Variants in DRG2 observed in about 807,000 individuals in gnomAD.
DRG2 encodes the protein developmentally regulated GTP binding protein 2, also known as developmentally-regulated GTP-binding protein 2.
Under a neutral mutation model 53.4 loss-of-function variants are expected in DRG2, and 36 were observed. The ratio of observed to expected loss-of-function variants is 0.67; its 90% CI spans 0.52 to 0.89. DRG2 has a LOEUF of 0.89. Ranked by LOEUF, DRG2 falls within the 40% of genes least tolerant of loss-of-function variation. The pLI is 0.00. For missense variants in DRG2, 342 were observed against 481.2 expected (o/e 0.71, Z 2.71); for synonymous variants, 167 against 192.1 (o/e 0.87, Z 1.08).
chr17:18,102,321 C>T (rs2045551823), intron 9 of DRG2, among the ~76,000 whole-genome samples: 1 of 152,162 alleles, frequency 6.6e-6, no homozygotes. Flanking sequence ...GGTTGAATGG[C>T]TAAGAGGCTT....
In DRG2 at chr17:18,100,718, G is replaced by T; in HGVS notation, c.631+59G>T. 1 of 1,526,868 alleles carries T rather than the reference G, an allele frequency of 6.5e-7. No individual in the cohort carries two copies. The highest frequency in any genetic ancestry group is 8.9e-7 in the Non-Finnish European group (1 of 1,123,386). The allele number at this position is 1,526,868 out of a possible 1,614,324, so 94.6% of individuals were successfully genotyped here. The stretch of plus-strand genomic sequence containing the variant: ...AGCCACCACCGTCAGCGCAGCGGGG[G>T]GACTGACTAAGACAGGAGGCCTCAT... On this transcript the variant is annotated intron_variant, in intron 7 of 12. Transcript: ENST00000225729. This position sits in a 1 kb window ranked among gnomAD's most constrained non-coding sequence, Gnocchi z 4.1.
intron 12 of DRG2, among the ~76,000 whole-genome samples, chr17:18,106,908 T>C (rs752827395): frequency 6.6e-5 from 10 of 152,204 alleles, no homozygotes; most frequent in Non-Finnish European, 1.0e-4. Context: ...CTCAAACACC[T>C]GAGCTCAAGT....
intron 8 of DRG2, 150 bp from the exon 9 acceptor site, chr17:18,101,771 C>T: frequency 8.8e-7 from 1 of 1,134,318 alleles, no homozygotes; most frequent in Non-Finnish European, 1.2e-6. Context: ...GGTTCCAGCC[C>T]AGCCTTCCCA....
At chr17:18,088,540 G>A (rs2045257142) in intron 1 of DRG2, among the ~76,000 whole-genome samples, 1 of 152,198 alleles carries the variant, frequency 6.6e-6, no homozygotes, top group South Asian at 2.1e-4. Flanking sequence ...GGAAGGCCTG[G>A]GTTTGAGCCC....
At position 18,099,483 on chromosome 17, in the gene DRG2, A is replaced by G; in HGVS notation, c.377-150A>G. The G allele has an allele frequency of 1.3e-6, 1 of 790,758 alleles. No individual in the cohort carries two copies. Among genetic ancestry groups the G allele is most frequent in the Non-Finnish European group, 2.1e-6 (1 of 468,082 alleles). The allele number at this position is 790,758 out of a possible 1,614,324, so 49.0% of individuals were successfully genotyped here. ...TTCTGAAATAAGTCTCCGTCAGTAA[A>G]ACATGTGGATTAAAGAAAAATGCCA... On this transcript the variant is annotated intron_variant, in intron 4 of 12. Transcript: ENST00000225729. The surrounding 1 kb of genome is among the most constrained non-coding windows in gnomAD (Gnocchi z 4.4).
Position 18,099,753 on chromosome 17 carries a change from A to C in DRG2, c.467+30A>C. On this transcript the variant is annotated intron_variant, in intron 5 of 12. Transcript: ENST00000225729. This position sits in a 1 kb window ranked among gnomAD's most constrained non-coding sequence, Gnocchi z 4.4. ...GCAGGGTGGGGCATGGGGCAGGCTC[A>C]CATGTCTGGGGAGGGCCAATGTGTC... 1.9e-6 allele frequency: 3 copies of C among 1,576,586 alleles called. No homozygotes were observed. Among genetic ancestry groups the C allele is most frequent in the South Asian group, 1.2e-5 (1 of 85,976 alleles).
At chr17:18,088,239 G>A (rs2045250882) in intron 1 of DRG2, 152 bp downstream of exon 1, 2 of 949,012 alleles carry the variant, frequency 2.1e-6, no homozygotes, top group Non-Finnish European at 1.5e-6. Context: ...GCGCGCCCAA[G>A]GCAGGGCCAG....
chr17:18,106,570 C>G, intron 12 of DRG2, 84 bp downstream of exon 12: 1 of 1,478,230 alleles, frequency 6.8e-7, no homozygotes, highest in Non-Finnish European at 9.4e-7. Flanking sequence ...TTCACACTCT[C>G]TGCGTGGTGT....
chr17:18,101,576 A>G lies in DRG2; in HGVS notation c.715A>G (p.Met239Val), dbSNP rs768188297. The G allele has an allele frequency of 1.2e-6, 2 of 1,614,028 alleles. No homozygotes were observed. Among genetic ancestry groups the G allele is most frequent in the South Asian group, 2.2e-5 (2 of 91,080 alleles). Residue 239 changes from methionine (M) to valine (V), a missense_variant, in exon 8 of 13, where the codon ATG (methionine) becomes GTG (valine). Physicochemically the swap from Met to Val is conservative, Grantham distance 21. Coordinates refer to ENST00000225729, the MANE Select transcript of DRG2 (RefSeq NM_001388.5). ...TGTGATCGTGGGCAACCGGGTGTAC[A>G]TGCCCTGCCTGTATGTAAGTGCAGG... ...IDVIVGNRVY[M>V]PCLYVYNKID...
rs981678134 is a variant in DRG2, at chr17:18,107,304, A to G, written c.*64A>G. On this transcript the variant is annotated 3_prime_UTR_variant, in exon 13 of 13. Transcript: ENST00000225729. ...CCTGGGGAGGTGGTCCCACTGGGACACACAAACACCCAAACAGAAAAATAC... is the reference window on the plus strand; with the variant it reads ...CCTGGGGAGGTGGTCCCACTGGGACGCACAAACACCCAAACAGAAAAATAC... 6.0e-6 allele frequency: 9 copies of G among 1,500,292 alleles called. No individual in the cohort carries two copies. Among genetic ancestry groups the G allele is most frequent in the South Asian group, 2.3e-5 (2 of 88,078 alleles). 92.9% of individuals were successfully genotyped at this position (1,500,292 alleles called of 1,614,324 possible).
intron 11 of DRG2, chr17:18,106,164 C>T (rs576294536): frequency 9.8e-6 from 5 of 510,234 alleles, no homozygotes; most frequent in Non-Finnish European, 1.8e-5. Context: ...GGCCCCTGAC[C>T]TTCCCCTGGT....
At position 18,106,450 on chromosome 17, in the gene DRG2, G is replaced by A. The variant is rs758765465; in HGVS notation, c.972G>A (p.Arg324=). 6.2e-7 allele frequency: 1 copy of A among 1,614,050 alleles called. No individual in the cohort carries two copies. The highest frequency in any genetic ancestry group is 1.3e-5 in the African/African-American group (1 of 75,038). ...TCCTCCAGTGCCACCGCATCCACCG[G>A]TCACTCGCCAGCCAGTTCAAGTACG... ...SVEHVCHRIH[R]SLASQFKYAL... is the part of the protein sequence containing the mutation. The change falls in exon 12 of 13, where the codon CGG becomes CGA. Residue 324 remains arginine (R), a synonymous_variant. Transcript: ENST00000225729.
Position 18,098,617 on chromosome 17 carries a change from CCAA to C in DRG2, c.315+261_315+263del, listed in dbSNP as rs929725172. 2.7e-5 allele frequency: 13 copies of C among 483,878 alleles called. No homozygotes were observed. The highest frequency in any genetic ancestry group is 4.5e-5 in the Non-Finnish European group (12 of 265,130). 30.0% of individuals were successfully genotyped at this position (483,878 alleles called of 1,614,324 possible). A position where few individuals can be genotyped will look rare whatever the true frequency, so the allele number is the denominator to read the frequency against. Reference sequence around the variant, plus strand: ...CCTGGCGCCCCCTGTGCTCTCCTCCCCAACACCACCACAGCTCTGGTCACTAAT... The same window carrying C: ...CCTGGCGCCCCCTGTGCTCTCCTCCCCACCACCACAGCTCTGGTCACTAAT... On this transcript the variant is annotated intron_variant, in intron 3 of 12. Coordinates refer to ENST00000225729, the MANE Select transcript of DRG2 (RefSeq NM_001388.5). This position sits in a 1 kb window ranked among gnomAD's most constrained non-coding sequence, Gnocchi z 4.1.
Position 18,098,928 on chromosome 17 carries a change from C to G in DRG2, c.316-89C>G, listed in dbSNP as rs1047038796. 42 of 1,485,716 alleles carry G rather than the reference C, an allele frequency of 2.8e-5. No homozygotes were observed. In the South Asian group the frequency reaches 4.2e-4, roughly 15 times the overall value. 92.0% of individuals were successfully genotyped at this position (1,485,716 alleles called of 1,614,324 possible). On this transcript the variant is annotated intron_variant, in intron 3 of 12. Coordinates refer to ENST00000225729, the MANE Select transcript of DRG2 (RefSeq NM_001388.5). The surrounding 1 kb of genome is among the most constrained non-coding windows in gnomAD (Gnocchi z 4.1). The stretch of plus-strand genomic sequence containing the variant: ...TGGGTTTCCCTCAGCCCCTGAGCCC[C>G]GGGGCCATTCCAGATGTCCCAGATC...
At position 18,102,011 on chromosome 17, in the gene DRG2, C is replaced by T. The variant is rs780999702; in HGVS notation, c.806+14C>T. ...TGTGGTCATCAGGTGAGGCCACTGG[C>T]ATCCTGCCACTCTGCTGTCCTTGCT... On this transcript the variant is annotated intron_variant, in intron 9 of 12. Transcript: ENST00000225729. The T allele has an allele frequency of 3.1e-6, 5 of 1,595,488 alleles. No individual in the cohort carries two copies. Among genetic ancestry groups the T allele is most frequent in the South Asian group, 2.2e-5 (2 of 89,070 alleles).
chr17:18,107,444 A>C lies in DRG2; in HGVS notation c.*204A>C. The C allele has an allele frequency of 1.7e-6, 1 of 605,890 alleles. No homozygotes were observed. Among genetic ancestry groups the C allele is most frequent in the South Asian group, 1.9e-5 (1 of 52,378 alleles). The allele number at this position is 605,890 out of a possible 1,614,324, so 37.5% of individuals were successfully genotyped here. A position where few individuals can be genotyped will look rare whatever the true frequency, so the allele number is the denominator to read the frequency against. On this transcript the variant is annotated 3_prime_UTR_variant, in exon 13 of 13. Transcript: ENST00000225729. ...AGGGGCTCGGTTGGAGGCATTTCCC[A>C]TAAGACTGAGCCCTCTCATGGGGGT...
intron 1 of DRG2, chr17:18,091,956 A>G (rs986846587): frequency 5.3e-5 from 8 of 152,240 alleles, no homozygotes; most frequent in African/African-American, 1.9e-4. Context: ...ACTTTTCCAA[A>G]GTAAAATGGC....
At chr17:18,102,051 C>T in intron 9 of DRG2, 54 bp downstream of exon 9, 1 of 1,557,762 alleles carries the variant, frequency 6.4e-7, no homozygotes, top group Non-Finnish European at 8.7e-7. Context: ...GTTCTGACCC[C>T]AGTCGTCAGG....
chr17:18,105,383 C>T (rs2045611629), intron 11 of DRG2: 1 of 152,640 alleles, frequency 6.6e-6, no homozygotes, highest in African/African-American at 2.4e-5. Context: ...GCTGTAGACC[C>T]AGCTGTCCCT....
Sources: allele counts gnomAD v4.1 joint callset (sites outside exome capture counted in the v4.1 genomes callset), GRCh38; gene constraint gnomAD v4.1.1; non-coding constraint Gnocchi (gnomAD v3.1); transcripts MANE v1.5; gene names NCBI Gene and HGNC (gene_info 2026-07-23, HGNC 2026-07-21).